Variants in CD302 observed in about 807,000 individuals in gnomAD.
CD302 encodes the protein CD302 antigen.
CD302 carries 23 observed loss-of-function variants against 26.5 expected under a neutral mutation model. The observed-to-expected ratio is 0.87, with a 90% CI of 0.62 to 1.23. CD302 has a LOEUF of 1.23. Ranked by LOEUF, CD302 falls within the 50% of genes most tolerant of loss-of-function variation. The pLI is 0.00. For synonymous variants in CD302, 90 were observed against 99.4 expected (o/e 0.91, Z 0.56); for missense variants, 290 against 275.5 (o/e 1.05, Z -0.37).
chr2:159,796,734 T>G (rs1277971760), intron 1 of CD302, among the ~76,000 whole-genome samples: 1 of 152,142 alleles, frequency 6.6e-6, no homozygotes, highest in Non-Finnish European at 1.5e-5. Flanking sequence ...AAAGGGAAAT[T>G]TGCCCTCTAT....
chr2:159,795,987 A>G (rs1249220918), intron 1 of CD302, among the ~76,000 whole-genome samples: 1 of 152,248 alleles, frequency 6.6e-6, no homozygotes, highest in African/African-American at 2.4e-5. Flanking sequence ...AACTTTTTAA[A>G]GCGATGCCAT....
intron 5 of CD302, among the ~76,000 whole-genome samples, chr2:159,772,614 A>G (rs1194831974): frequency 1.3e-5 from 2 of 152,214 alleles, no homozygotes; most frequent in Admixed American, 6.5e-5. Flanking sequence ...TAATCTTTCT[A>G]TAAGAATCCA....
intron 2 of CD302, among the ~76,000 whole-genome samples, chr2:159,783,008 G>A (rs531508671): frequency 4.2e-4 from 64 of 152,276 alleles, no homozygotes; most frequent in Non-Finnish European, 6.9e-4. Flanking sequence ...ACAAATAACT[G>A]AAGTTAATTT....
intron 1 of CD302, among the ~76,000 whole-genome samples, chr2:159,794,795 G>C (rs896508563): frequency 6.6e-6 from 1 of 151,166 alleles, no homozygotes; most frequent in Non-Finnish European, 1.5e-5. Context: ...TGATCCACCC[G>C]CCTCGGCCTC....
rs1223972466 is a variant in CD302, at chr2:159,770,979, T to G, written c.*872A>C. 6.6e-6 allele frequency: 1 copy of G among 152,208 alleles called. No homozygotes were observed. The highest frequency in any genetic ancestry group is 1.5e-5 in the Non-Finnish European group (1 of 68,004). The allele number at this position is 152,208 out of a possible 1,614,324, so 9.4% of individuals were successfully genotyped here. ...TTTTACTCCCCAAATGATTTTCACC[T>G]TTTTCTTAAAATGTACAATAAATGC... On this transcript the variant is annotated 3_prime_UTR_variant, in exon 6 of 6. Coordinates refer to ENST00000259053, the MANE Select transcript of CD302 (RefSeq NM_014880.5).
chr2:159,780,864 G>A lies in CD302; in HGVS notation c.295+18C>T, dbSNP rs1419275921. ...AAAGAACAACAAAGTCACGTCCCAC[G>A]AGGTAAATATCACTTACCATCTGTG... On this transcript the variant is annotated intron_variant, in intron 3 of 5. Transcript: ENST00000259053. The A allele has an allele frequency of 6.3e-7, 1 of 1,589,752 alleles. No homozygotes were observed. Among genetic ancestry groups the A allele is most frequent in the Non-Finnish European group, 8.6e-7 (1 of 1,161,274 alleles).
chr2:159,787,620 C>CT (rs1166640931), intron 1 of CD302, among the ~76,000 whole-genome samples: 1 of 152,104 alleles, frequency 6.6e-6, no homozygotes, highest in Admixed American at 6.5e-5. Flanking sequence ...GCTTCCTTTC[C>CT]TTTATCTTAT....
chr2:159,790,212 C>A (rs991358559), intron 1 of CD302, among the ~76,000 whole-genome samples: 2 of 151,990 alleles, frequency 1.3e-5, no homozygotes, highest in African/African-American at 4.8e-5. Context: ...ATGGAAGAGT[C>A]GGACAGACAA....
chr2:159,783,524 A>C, intron 1 of CD302, 55 bp from the exon 2 acceptor site: 1 of 1,397,620 alleles, frequency 7.2e-7, no homozygotes, highest in South Asian at 1.4e-5. Flanking sequence ...GAATTACATG[A>C]ATTCCCAAAG....
In CD302 at chr2:159,779,979, G is replaced by T. The variant is rs374855217; in HGVS notation, c.469+26C>A. The stretch of plus-strand genomic sequence containing the variant: ...CTACTTTCTCTGCCCCTTCTAGAAT[G>T]GAAAAACACCTTCGGTCATACTTAC... On this transcript the variant is annotated intron_variant, in intron 4 of 5. Coordinates refer to ENST00000259053, the MANE Select transcript of CD302 (RefSeq NM_014880.5). 12 of 1,596,104 alleles carry T rather than the reference G, an allele frequency of 7.5e-6. No homozygotes were observed. The African/African-American group carries it at 1.6e-4, about 22-fold the overall frequency.
intron 2 of CD302, among the ~76,000 whole-genome samples, chr2:159,782,614 A>G (rs1252964073): frequency 6.6e-6 from 1 of 151,216 alleles, no homozygotes; most frequent in Non-Finnish European, 1.5e-5. Flanking sequence ...AGTCCTGTCT[A>G]TTCAGGGGGC....
intron 1 of CD302, among the ~76,000 whole-genome samples, chr2:159,788,690 C>T (rs1978587): frequency 0.93 from 140,856 of 152,266 alleles, 65,326 homozygotes; most frequent in African/African-American, 0.96. Context: ...TCTTTGTCTT[C>T]GGTTTTTAGC....
intron 4 of CD302, among the ~76,000 whole-genome samples, chr2:159,778,756 C>T (rs1218783822): frequency 6.6e-6 from 1 of 152,030 alleles, no homozygotes; most frequent in Non-Finnish European, 1.5e-5. Flanking sequence ...CCCAGGCTGC[C>T]TCAGCCTCAA....
In CD302 at chr2:159,770,850, T is replaced by A. The variant is rs2125787057; in HGVS notation, c.*1001A>T. The A allele has an allele frequency of 6.8e-6, 1 of 148,102 alleles. No individual in the cohort carries two copies. Among genetic ancestry groups the A allele is most frequent in the Non-Finnish European group, 1.5e-5 (1 of 65,104 alleles). 9.2% of individuals were successfully genotyped at this position (148,102 alleles called of 1,614,324 possible). On this transcript the variant is annotated 3_prime_UTR_variant, in exon 6 of 6. Transcript: ENST00000259053. ...ATTTCTTAGAACGTATCCCCATTGA[T>A]AAGTGATACGTGACTAATTTACGTG...
Position 159,785,135 on chromosome 2 carries a change from C to T in CD302, c.68-1666G>A, listed in dbSNP as rs567698296. On this transcript the variant is annotated intron_variant, in intron 1 of 5. Transcript: ENST00000259053. The stretch of plus-strand genomic sequence containing the variant: ...GATTACAGGTACACAACACTACACC[C>T]GGCTAATTTTTTAATTTTTTTGTAG... Among the ~76,000 whole-genome samples, 4 of 152,060 alleles carry T rather than the reference C, an allele frequency of 2.6e-5. No individual in the cohort carries two copies. In the South Asian group the frequency reaches 6.2e-4, roughly 24 times the overall value.
rs1414689896 is a variant in CD302 at position 159,771,643 on chromosome 2, A to G, written c.*208T>C. 1.9e-6 allele frequency: 1 copy of G among 527,066 alleles called. No homozygotes were observed. The highest frequency in any genetic ancestry group is 3.2e-6 in the Non-Finnish European group (1 of 311,288). The allele number at this position is 527,066 out of a possible 1,614,324, so 32.6% of individuals were successfully genotyped here. A position where few individuals can be genotyped will look rare whatever the true frequency, so the allele number is the denominator to read the frequency against. ...TGCCTTTGACGGGATGCTTAAAATC[A>G]CTATATTAGATCTAAGATCATTTCT... On this transcript the variant is annotated 3_prime_UTR_variant, in exon 6 of 6. Coordinates refer to ENST00000259053, the MANE Select transcript of CD302 (RefSeq NM_014880.5).
In CD302 at chr2:159,771,856, C is replaced by T; in HGVS notation, c.694G>A (p.Asp232Asn). ...GEENEYPVQF[D>N] ...AGTGCAAGATTACCAAAAACTTAGT[C>T]AAATTGAACAGGATATTCATTTTCT... The change falls in exon 6 of 6, where the codon GAC becomes AAC. Residue 232 changes from aspartate (D) to asparagine (N), a missense_variant. Transcript: ENST00000259053. 1.2e-6 allele frequency: 2 copies of T among 1,613,488 alleles called. No individual in the cohort carries two copies. The highest frequency in any genetic ancestry group is 1.7e-6 in the Non-Finnish European group (2 of 1,179,576).
intron 2 of CD302, among the ~76,000 whole-genome samples, 191 bp downstream of exon 2, chr2:159,783,168 T>A (rs959500764): frequency 6.6e-6 from 1 of 152,236 alleles, no homozygotes; most frequent in Non-Finnish European, 1.5e-5. Flanking sequence ...CCAACAACTG[T>A]CTTCCAACTC....
rs1301698949 is a variant in CD302 at position 159,772,130 on chromosome 2, G to GTAGTT, written c.497-82_497-78dup. The GTAGTT allele has an allele frequency of 8.2e-6, 12 of 1,457,324 alleles. No individual in the cohort carries two copies. In the East Asian group the frequency reaches 2.9e-4, roughly 35 times the overall value. 90.3% of individuals were successfully genotyped at this position (1,457,324 alleles called of 1,614,324 possible). A position where few individuals can be genotyped will look rare whatever the true frequency, so the allele number is the denominator to read the frequency against. On this transcript the variant is annotated intron_variant, in intron 5 of 5. Coordinates refer to ENST00000259053, the MANE Select transcript of CD302 (RefSeq NM_014880.5). Reference sequence around the variant, plus strand: ...CAAGTATATTTTGATGAGCACAACTGTAGTTTTGTGTAAACATTTCTCTGT... The same window carrying GTAGTT: ...CAAGTATATTTTGATGAGCACAACTGTAGTTTAGTTTTGTGTAAACATTTCTCTGT...
Sources: allele counts gnomAD v4.1 joint callset (sites outside exome capture counted in the v4.1 genomes callset), GRCh38; gene constraint gnomAD v4.1.1; transcripts MANE v1.5; gene names NCBI Gene and HGNC (gene_info 2026-07-23, HGNC 2026-07-21).